Variants in WDFY4 observed in about 807,000 individuals in gnomAD.
WDFY4 encodes WDFY family member 4.
WDFY4 carries 169 observed loss-of-function variants against 351.9 expected under a neutral mutation model. The ratio of observed to expected loss-of-function variants is 0.48; its 90% CI spans 0.42 to 0.55. The LOEUF (loss-of-function observed/expected upper bound fraction) is 0.55. Among genes scored for constraint, WDFY4 ranks in the 20% least tolerant of loss-of-function variants. WDFY4 has a pLI of 0.00. For synonymous variants in WDFY4, 1,622 were observed against 1,574.6 expected, an observed-to-expected ratio of 1.03 and a Z score of -0.71; for missense variants, 3,803 against 3,935.6, an observed-to-expected ratio of 0.97 and a Z score of 0.90.
intron 49 of WDFY4, among the ~76,000 whole-genome samples, chr10:48,943,882 A>G (rs969389161): frequency 6.6e-6 from 1 of 152,214 alleles, no homozygotes. Context: ...GGCATGAGCC[A>G]CTGTGCCCGG....
At chr10:48,761,868 T>C (rs1032996686) in intron 13 of WDFY4, among the ~76,000 whole-genome samples, 1 of 152,240 alleles carries the variant, frequency 6.6e-6, no homozygotes, top group African/African-American at 2.4e-5. Context: ...TTTATTCCTC[T>C]TGCAGTTTTG....
chr10:48,860,353 G>C (rs997622767), intron 39 of WDFY4, among the ~76,000 whole-genome samples: 1 of 152,222 alleles, frequency 6.6e-6, no homozygotes, highest in Non-Finnish European at 1.5e-5. Context: ...AGGCTGGGAA[G>C]TCCGAGAGCT....
chr10:48,728,360 C>T (rs1466502544), intron 7 of WDFY4, among the ~76,000 whole-genome samples: 1 of 152,184 alleles, frequency 6.6e-6, no homozygotes, highest in Non-Finnish European at 1.5e-5. Flanking sequence ...GAGTGGGGCC[C>T]AGGGATTACA....
At chr10:48,861,208 T>C (rs1374512605) in intron 39 of WDFY4, among the ~76,000 whole-genome samples, 1 of 152,224 alleles carries the variant, frequency 6.6e-6, no homozygotes, top group Non-Finnish European at 1.5e-5. Context: ...ATTTTTGTTT[T>C]AACCATCACT....
At chr10:48,824,974 C>T (rs1306272714) in intron 35 of WDFY4, among the ~76,000 whole-genome samples, 2 of 152,212 alleles carry the variant, frequency 1.3e-5, no homozygotes, top group African/African-American at 2.4e-5. Flanking sequence ...TTTCCAAGTT[C>T]CAGGGTACAT....
intron 47 of WDFY4, chr10:48,913,617 G>A (rs745892536): frequency 1.9e-6 from 3 of 1,613,964 alleles, no homozygotes; most frequent in African/African-American, 2.7e-5. Context: ...ACCTGGCTTT[G>A]GAAAGGGGTT....
At chr10:48,754,620 TTA>T (rs1300047950) in intron 12 of WDFY4, among the ~76,000 whole-genome samples, 2 of 151,800 alleles carry the variant, frequency 1.3e-5, no homozygotes, top group Non-Finnish European at 2.9e-5. Context: ...ATTATTAATT[TTA>T]ATTTACTTAT....
chr10:48,736,027 C>T lies in WDFY4; in HGVS notation c.1835C>T (p.Ser612Leu). 2.6e-6 allele frequency: 4 copies of T among 1,551,822 alleles called. No homozygotes were observed. Among genetic ancestry groups the T allele is most frequent in the Non-Finnish European group, 3.5e-6 (4 of 1,147,024 alleles). The change falls in exon 11 of 62, where the codon TCA (serine) becomes TTA (leucine). Residue 612 changes from serine (S) to leucine (L), a missense_variant. Physicochemically the swap from Ser to Leu is moderately radical, Grantham distance 145. Transcript: ENST00000325239. Reference protein sequence around the residue: ...YMSIIVGALCSSTQGELQLKL... With the variant: ...YMSIIVGALCLSTQGELQLKL... ...AGCATCATTGTGGGTGCTCTATGCT[C>T]ATCCACTCAAGGGGAGCTGCAGCTG... is the stretch of plus-strand genomic sequence containing the variant.
chr10:48,959,393 G>C (rs1564530173), intron 52 of WDFY4, among the ~76,000 whole-genome samples: 1 of 152,190 alleles, frequency 6.6e-6, no homozygotes, highest in East Asian at 1.9e-4. Context: ...TTAATGCTGT[G>C]TAAAAAGCAC....
At chr10:48,933,016 G>A (rs1395346199) in intron 47 of WDFY4, among the ~76,000 whole-genome samples, 1 of 152,148 alleles carries the variant, frequency 6.6e-6, no homozygotes, top group African/African-American at 2.4e-5. Flanking sequence ...GGATAACGCT[G>A]GCCGTGGGGA....
chr10:48,881,066 C>T (rs2070227844), intron 43 of WDFY4, among the ~76,000 whole-genome samples: 2 of 152,238 alleles, frequency 1.3e-5, no homozygotes, highest in South Asian at 4.1e-4. Context: ...CTCCTGGTCT[C>T]ACTGGTTTGT....
chr10:48,946,803 C>A, intron 50 of WDFY4, 57 bp from the exon 51 acceptor site: 1 of 1,289,940 alleles, frequency 7.8e-7, no homozygotes, highest in Non-Finnish European at 1.1e-6. Flanking sequence ...GCACACATAT[C>A]TGCCACGTGT....
intron 2 of WDFY4, among the ~76,000 whole-genome samples, chr10:48,711,711 T>G (rs980016820): frequency 3.9e-5 from 6 of 152,176 alleles, no homozygotes; most frequent in African/African-American, 1.4e-4. Flanking sequence ...AAGACAGAGG[T>G]GACACACCAC....
At chr10:48,738,091 A>G (rs150468496) in intron 11 of WDFY4, among the ~76,000 whole-genome samples, 53 of 152,350 alleles carry the variant, frequency 3.5e-4, no homozygotes, top group African/African-American at 1.2e-3. Flanking sequence ...TGTCCTAACC[A>G]GTCAGGCTTG....
At chr10:48,952,875 G>C (rs1385525012) in intron 51 of WDFY4, among the ~76,000 whole-genome samples, 1 of 152,206 alleles carries the variant, frequency 6.6e-6, no homozygotes, top group Non-Finnish European at 1.5e-5. Flanking sequence ...TTATTCAGTA[G>C]CGTGTCAGGG....
At chr10:48,731,031 C>G in intron 8 of WDFY4, 79 bp from the exon 9 acceptor site, 2 of 1,396,082 alleles carry the variant, frequency 1.4e-6, no homozygotes, top group Admixed American at 2.7e-5. Context: ...ATGGCATGCC[C>G]TCTTAGTAAT....
At chr10:48,692,615 AT>A (rs2063224857) in intron 1 of WDFY4, among the ~76,000 whole-genome samples, 1 of 152,214 alleles carries the variant, frequency 6.6e-6, no homozygotes, top group Non-Finnish European at 1.5e-5. Flanking sequence ...TAACAATGAC[AT>A]TAAGGAGGAA....
chr10:48,775,265 C>A (rs1016528460), intron 14 of WDFY4, among the ~76,000 whole-genome samples: 2 of 152,122 alleles, frequency 1.3e-5, no homozygotes, highest in African/African-American at 4.8e-5. Flanking sequence ...GTCTCCTATG[C>A]CACCTGGAGT....
At chr10:48,823,678 C>T in intron 35 of WDFY4, 1 of 1,004,008 alleles carries the variant, frequency 1.0e-6, no homozygotes, top group Non-Finnish European at 1.2e-6. Flanking sequence ...AAAGAAGCTG[C>T]TGAGCTCCCT....
Sources: gnomAD v4.1 joint callset for allele counts (sites outside exome capture counted in the v4.1 genomes callset) on GRCh38, gnomAD v4.1.1 for gene constraint, MANE v1.5 for transcripts, NCBI Gene and HGNC (gene_info 2026-07-23, HGNC 2026-07-21) for gene names.